Variants in HMGN1 observed in about 807,000 individuals in gnomAD.
HMGN1 encodes high mobility group nucleosome binding domain 1.
Under a neutral mutation model 18.4 loss-of-function variants are expected in HMGN1, and 9 were observed. That is an observed-to-expected ratio of 0.49 (90% CI 0.29 to 0.85). The LOEUF (loss-of-function observed/expected upper bound fraction) is 0.85, where lower values mean the gene tolerates loss of function less well. Among genes scored for constraint, HMGN1 ranks in the 40% least tolerant of loss-of-function variants. HMGN1 has a pLI of 0.07. For missense variants in HMGN1, 151 were observed against 119.2 expected, an observed-to-expected ratio of 1.27 and a Z score of -1.24; for synonymous variants, 59 against 45.0, an observed-to-expected ratio of 1.31 and a Z score of -1.24.
chr21:39,343,492 T>G (rs149627883), intron 5 of HMGN1, among the ~76,000 whole-genome samples: 13 of 152,344 alleles, frequency 8.5e-5, no homozygotes, highest in African/African-American at 3.1e-4. Context: ...ATTTTACACC[T>G]TTGTGCTTTT....
intron 4 of HMGN1, chr21:39,346,483 C>T (rs2037057986): frequency 6.5e-6 from 1 of 153,530 alleles, no homozygotes; most frequent in Non-Finnish European, 1.4e-5. Context: ...AAATACAAAA[C>T]TGGGAAACAG....
intron 1 of HMGN1, 27 bp from the exon 2 acceptor site, chr21:39,348,604 A>G (rs1324999018): frequency 6.5e-7 from 1 of 1,532,808 alleles, no homozygotes; most frequent in Non-Finnish European, 8.8e-7. Flanking sequence ...GCACGAATAG[A>G]GGCGGGCCGC....
At chr21:39,346,174 A>G (rs2037047405) in intron 4 of HMGN1, 2 of 353,724 alleles carry the variant, frequency 5.7e-6, no homozygotes, top group Admixed American at 8.0e-5. Flanking sequence ...ATACTGACCA[A>G]TTACTTGAAT....
chr21:39,348,618 C>A, intron 1 of HMGN1, 41 bp from the exon 2 acceptor site: 2 of 1,542,264 alleles, frequency 1.3e-6, no homozygotes, highest in Non-Finnish European at 8.7e-7. Context: ...GGGCCGCAGT[C>A]CCAGGACTCG....
chr21:39,346,689 C>T (rs992607467), intron 4 of HMGN1: 3 of 152,426 alleles, frequency 2.0e-5, no homozygotes, highest in Admixed American at 1.3e-4. Flanking sequence ...AACATGTCTA[C>T]TGTGTAGTAT....
Position 39,343,195 on chromosome 21 carries a change from A to G in HMGN1, c.256-36T>C, listed in dbSNP as rs201320939. On this transcript the variant is annotated intron_variant, in intron 5 of 5. Transcript: ENST00000380749. ...AAGGAAATTGAGATCTTTAGCATTT[A>G]ACACGTTGTCGTTTTATTTATATGC... The G allele has an allele frequency of 1.6e-4, 248 of 1,569,208 alleles. 1 individual carries two copies. The African/African-American group carries it at 3.0e-3, about 19-fold the overall frequency.
rs762178244 is a variant in HMGN1 at position 39,348,462 on chromosome 21, GA to G, written c.49-12del. 3.1e-6 allele frequency: 5 copies of G among 1,614,130 alleles called. No homozygotes were observed. In the East Asian group the frequency reaches 1.1e-4, roughly 36 times the overall value. ...CGATCTCCTCTTGGGCTTGGAGAAA[GA>G]AAAAGGAGAGTCAGCGAGAAGAGAA... On this transcript the variant is annotated splice_polypyrimidine_tract_variant and intron_variant, in intron 2 of 5. Coordinates refer to ENST00000380749, the MANE Select transcript of HMGN1 (RefSeq NM_004965.7).
At position 39,347,207 on chromosome 21, in the gene HMGN1, G is replaced by C. The variant is rs1280553908; in HGVS notation, c.126+1085C>G. The C allele has an allele frequency of 5.1e-5, 21 of 410,372 alleles. No homozygotes were observed. In the East Asian group the frequency reaches 2.2e-3, roughly 42 times the overall value. 25.4% of individuals were successfully genotyped at this position (410,372 alleles called of 1,614,324 possible). On this transcript the variant is annotated intron_variant, in intron 4 of 5. Transcript: ENST00000380749. ...CAGAGAATTACCACATGGTCTTCTG[G>C]TAATGAGAAATTTAAAGTTGAAAAA... is the stretch of plus-strand genomic sequence containing the variant.
chr21:39,343,042 G>T lies in HMGN1; in HGVS notation c.*70C>A, dbSNP rs746110053. The stretch of plus-strand genomic sequence containing the variant: ...AAAAACTTGCATTTACAAAATAGTT[G>T]ATAAAAATATTCCTCTGGATTGTAC... On this transcript the variant is annotated 3_prime_UTR_variant, in exon 6 of 6. Coordinates refer to ENST00000380749, the MANE Select transcript of HMGN1 (RefSeq NM_004965.7). 3.8e-6 allele frequency: 5 copies of T among 1,327,420 alleles called. No individual in the cohort carries two copies. The highest frequency in any genetic ancestry group is 5.4e-6 in the Non-Finnish European group (5 of 928,802). 82.2% of individuals were successfully genotyped at this position (1,327,420 alleles called of 1,614,324 possible).
intron 5 of HMGN1, 49 bp downstream of exon 5, chr21:39,345,095 CAG>C (rs2146854328): frequency 3.0e-6 from 3 of 986,880 alleles, no homozygotes; most frequent in Non-Finnish European, 4.2e-6. Context: ...ATCTACTGTT[CAG>C]AGTCAAAGCA....
chr21:39,345,123 A>ACACACACACACACACT, intron 5 of HMGN1, 23 bp downstream of exon 5: 1 of 1,565,666 alleles, frequency 6.4e-7, no homozygotes, highest in Non-Finnish European at 8.7e-7. Flanking sequence ...ACACACACAC[A>ACACACACACACACACT]CACACACACA....
At position 39,348,945 on chromosome 21, in the gene HMGN1, G is replaced by C. The variant is rs1466941338; in HGVS notation, c.-28C>G. The C allele has an allele frequency of 8.4e-7, 1 of 1,196,548 alleles. No individual in the cohort carries two copies. The highest frequency in any genetic ancestry group is 1.0e-6 in the Non-Finnish European group (1 of 965,688). 74.1% of individuals were successfully genotyped at this position (1,196,548 alleles called of 1,614,324 possible). On this transcript the variant is annotated 5_prime_UTR_variant, in exon 1 of 6. Coordinates refer to ENST00000380749, the MANE Select transcript of HMGN1 (RefSeq NM_004965.7). ...TGGCGGCGGGGAAGGCGCGTGCCGG[G>C]TGCCTGCGGGGAAGGCGCGTGCCGG...
At chr21:39,347,289 C>A (rs1052711004) in intron 4 of HMGN1, 5 of 935,438 alleles carry the variant, frequency 5.3e-6, no homozygotes, top group East Asian at 7.2e-5. Context: ...AAAAACAGAA[C>A]TTTCTGTTAA....
Position 39,348,288 on chromosome 21 carries a change from T to TA in HMGN1, c.126+3_126+4insT. 6.2e-7 allele frequency: 1 copy of TA among 1,614,058 alleles called. No individual in the cohort carries two copies. On this transcript the variant is annotated splice_donor_region_variant and intron_variant, in intron 4 of 5. Transcript: ENST00000380749. Reference sequence around the variant, plus strand: ...TGCATCCCAATGCGCGTTTCGAGGCTTACCTTCGCTGCTGCCTTTTTCGGC... The same window carrying TA: ...TGCATCCCAATGCGCGTTTCGAGGCTATACCTTCGCTGCTGCCTTTTTCGGC...
chr21:39,346,151 A>G (rs2037045816), intron 4 of HMGN1: 2 of 370,200 alleles, frequency 5.4e-6, no homozygotes, highest in Admixed American at 7.4e-5. Context: ...GGTGGTATAA[A>G]AGACCCATAC....
In HMGN1 at chr21:39,347,518, T is replaced by C. The variant is rs1295542190; in HGVS notation, c.126+774A>G. The C allele has an allele frequency of 6.3e-6, 6 of 946,172 alleles. No homozygotes were observed. The Admixed American group carries it at 1.2e-4, about 18-fold the overall frequency. The allele number at this position is 946,172 out of a possible 1,614,324, so 58.6% of individuals were successfully genotyped here. The stretch of plus-strand genomic sequence containing the variant: ...AAGAGGTGAAGGCATTAACAAAAAT[T>C]TTTTTTGAGACTTCAAATAGCAAAC... On this transcript the variant is annotated intron_variant, in intron 4 of 5. Coordinates refer to ENST00000380749, the MANE Select transcript of HMGN1 (RefSeq NM_004965.7).
At chr21:39,345,500 T>C (rs1284909892) in intron 4 of HMGN1, 1 of 573,178 alleles carries the variant, frequency 1.7e-6, no homozygotes, top group Non-Finnish European at 3.1e-6. Context: ...GTCATATTAA[T>C]GTCTATCACA....
intron 4 of HMGN1, chr21:39,347,623 A>T (rs2037102222): frequency 5.8e-5 from 22 of 377,864 alleles, no homozygotes; most frequent in South Asian, 4.3e-4. Flanking sequence ...CTATATCCAA[A>T]CACAAAGCTT....
rs1399765561 is a variant in HMGN1, at chr21:39,343,157, A to G, written c.258T>C (p.Ser86=). ...AENGETKTEE[S]PASDEAGEKE... is the part of the protein sequence containing the mutation. ...TCTCTCCTGCTTCATCAGAGGCTGG[A>G]CTCTGCAAAAGAAAGGAAATTGAGA... Residue 86 remains serine (S), a splice_region_variant and synonymous_variant, in exon 6 of 6, where the codon AGT becomes AGC. Coordinates refer to ENST00000380749, the MANE Select transcript of HMGN1 (RefSeq NM_004965.7). 4 of 1,598,850 alleles carry G rather than the reference A, an allele frequency of 2.5e-6. No individual in the cohort carries two copies. The highest frequency in any genetic ancestry group is 3.4e-6 in the Non-Finnish European group (4 of 1,171,116).
Sources: gnomAD v4.1 joint callset for allele counts (sites outside exome capture counted in the v4.1 genomes callset) on GRCh38, gnomAD v4.1.1 for gene constraint, MANE v1.5 for transcripts, NCBI Gene and HGNC (gene_info 2026-07-23, HGNC 2026-07-21) for gene names.